The following TTBK2 variants were observed in gnomAD, a reference collection of about 807,000 sequenced individuals.
TTBK2 encodes tau tubulin kinase 2, also known as tau-tubulin kinase 2.
Under a neutral mutation model 110.8 loss-of-function variants are expected in TTBK2, and 28 were observed. The observed-to-expected ratio is 0.25, with a 90% CI of 0.19 to 0.35. The LOEUF (loss-of-function observed/expected upper bound fraction) is 0.35, where lower values mean the gene tolerates loss of function less well. Among genes scored for constraint, TTBK2 ranks in the 10% least tolerant of loss-of-function variants. The pLI, the probability that TTBK2 is intolerant of heterozygous loss-of-function variation, is 1.00. For synonymous variants in TTBK2, 532 were observed against 527.3 expected (o/e 1.01, Z -0.12); for missense variants, 1,369 against 1,500.3 (o/e 0.91, Z 1.45).
intron 2 of TTBK2, 53 bp downstream of exon 2, chr15:42,878,496 C>T: frequency 1.5e-6 from 2 of 1,314,924 alleles, no homozygotes; most frequent in East Asian, 2.8e-5. Flanking sequence ...TATGTATACA[C>T]ACACACACAC....
Position 42,885,571 on chromosome 15 carries a change from C to T in TTBK2, c.-67-6887G>A, listed in dbSNP as rs535360365. Reference sequence around the variant, plus strand: ...GGACGCCTGCCTGATTATTCACCCACGTTTCAGAGGTGTCTGACCATGCAG... The same window carrying T: ...GGACGCCTGCCTGATTATTCACCCATGTTTCAGAGGTGTCTGACCATGCAG... On this transcript the variant is annotated intron_variant, in intron 1 of 14. Coordinates refer to ENST00000267890, the MANE Select transcript of TTBK2 (RefSeq NM_173500.4). Among the ~76,000 whole-genome samples, 7 of 152,224 alleles carry T rather than the reference C, an allele frequency of 4.6e-5. No homozygotes were observed. In the South Asian group the frequency reaches 1.2e-3, roughly 27 times the overall value.
intron 10 of TTBK2, among the ~76,000 whole-genome samples, chr15:42,793,034 C>T (rs1208128734): frequency 1.3e-5 from 2 of 152,180 alleles, no homozygotes; most frequent in African/African-American, 4.8e-5. Context: ...GGACTGGCTC[C>T]AGCTCTGCCA....
chr15:42,876,687 GA>G (rs1025142897), intron 2 of TTBK2, among the ~76,000 whole-genome samples: 4 of 151,884 alleles, frequency 2.6e-5, no homozygotes, highest in Non-Finnish European at 4.4e-5. Flanking sequence ...CCTACTAATG[GA>G]AAAAAACTTT....
At chr15:42,850,299 A>C (rs1057168600) in intron 3 of TTBK2, among the ~76,000 whole-genome samples, 5 of 152,192 alleles carry the variant, frequency 3.3e-5, no homozygotes, top group Non-Finnish European at 7.3e-5. Context: ...ACTTCTCTCG[A>C]CGCATTTTCT....
chr15:42,911,019 C>T (rs945457034), intron 1 of TTBK2, among the ~76,000 whole-genome samples: 74 of 143,250 alleles, frequency 5.2e-4, no homozygotes, highest in African/African-American at 1.5e-3. Context: ...ACTCCAGCCT[C>T]GGTGACAAGA....
At chr15:42,869,215 G>A (rs1894510699) in intron 3 of TTBK2, among the ~76,000 whole-genome samples, 1 of 151,982 alleles carries the variant, frequency 6.6e-6, no homozygotes, top group Non-Finnish European at 1.5e-5. Flanking sequence ...AGCCTCCAGG[G>A]TAGCTGAGAT....
intron 6 of TTBK2, among the ~76,000 whole-genome samples, chr15:42,827,679 C>T (rs535806618): frequency 2.6e-5 from 4 of 151,976 alleles, no homozygotes; most frequent in Non-Finnish European, 5.9e-5. Flanking sequence ...AAAAATGACC[C>T]CTAATCTCAA....
rs550656345 is a variant in TTBK2 at position 42,821,818 on chromosome 15, T to G, written c.538-4721A>C. On this transcript the variant is annotated intron_variant, in intron 6 of 14. Transcript: ENST00000267890. ...CATTCTCCTGCCTCAGCCTCCCAAG[T>G]AGCTGGGACTACAGGGTGCCCGCCA... Among the ~76,000 whole-genome samples the G allele has an allele frequency of 2.3e-3, 351 of 152,010 alleles. 1 individual carries two copies. The highest frequency in any genetic ancestry group is 7.9e-3 in the African/African-American group (329 of 41,442).
chr15:42,827,815 C>A, intron 6 of TTBK2, 113 bp downstream of exon 6: 1 of 846,788 alleles, frequency 1.2e-6, no homozygotes, highest in Admixed American at 2.4e-5. Context: ...AATGTATATG[C>A]CACTTCTTAG....
chr15:42,781,479 G>A (rs1465206038), intron 11 of TTBK2, among the ~76,000 whole-genome samples: 1 of 152,024 alleles, frequency 6.6e-6, no homozygotes, highest in African/African-American at 2.4e-5. Flanking sequence ...GACTATTGAT[G>A]TAAAACCTTA....
intron 1 of TTBK2, among the ~76,000 whole-genome samples, chr15:42,913,664 T>C (rs554696468): frequency 6.6e-6 from 1 of 152,024 alleles, no homozygotes; most frequent in East Asian, 1.9e-4. Flanking sequence ...AGAGAAGCTT[T>C]ACAGGTCAGT....
At chr15:42,887,615 C>T (rs192977893) in intron 1 of TTBK2, among the ~76,000 whole-genome samples, 19 of 152,284 alleles carry the variant, frequency 1.2e-4, no homozygotes, top group Admixed American at 6.5e-4. Flanking sequence ...CCAGGATCTG[C>T]GCCTTATCAA....
At chr15:42,820,108 A>G in intron 6 of TTBK2, among the ~76,000 whole-genome samples, 1 of 152,250 alleles carries the variant, frequency 6.6e-6, no homozygotes, top group East Asian at 1.9e-4. Flanking sequence ...TCAGCTGTTT[A>G]GAGAAATCTT....
At chr15:42,792,407 C>T (rs758986417) in intron 10 of TTBK2, among the ~76,000 whole-genome samples, 3 of 152,052 alleles carry the variant, frequency 2.0e-5, no homozygotes, top group Non-Finnish European at 4.4e-5. Context: ...CAAATTGATA[C>T]ATCTTTTTTC....
chr15:42,755,571 A>G (rs1034506813), intron 13 of TTBK2, among the ~76,000 whole-genome samples: 7 of 152,224 alleles, frequency 4.6e-5, no homozygotes, highest in Admixed American at 3.9e-4. Flanking sequence ...AGGATCTTTC[A>G]GGCTAATCCA....
intron 3 of TTBK2, among the ~76,000 whole-genome samples, chr15:42,842,497 G>T (rs1893261094): frequency 6.6e-6 from 1 of 152,116 alleles, no homozygotes; most frequent in African/African-American, 2.4e-5. Context: ...AAGTAAGGAA[G>T]AGTAACAGGC....
intron 11 of TTBK2, among the ~76,000 whole-genome samples, chr15:42,783,169 G>A (rs890376771): frequency 1.2e-4 from 19 of 152,270 alleles, no homozygotes; most frequent in Middle Eastern, 3.4e-3. Context: ...CCCAATGTGA[G>A]GGTATTAGGA....
intron 13 of TTBK2, among the ~76,000 whole-genome samples, chr15:42,771,350 C>T (rs1302156712): frequency 6.6e-6 from 1 of 152,240 alleles, no homozygotes; most frequent in African/African-American, 2.4e-5. Context: ...ATAAAGATAT[C>T]CAAAATTCCA....
Position 42,823,738 on chromosome 15 carries a change from A to AT in TTBK2, c.537+4189dup, listed in dbSNP as rs57341447. 1.7e-3 allele frequency among the ~76,000 whole-genome samples: 250 copies of AT among 145,272 alleles called. 4 individuals are homozygous for AT. The highest frequency in any genetic ancestry group is 8.5e-3 in the East Asian group (42 of 4,920). Reference sequence around the variant, plus strand: ...TCCTAAACATTATTTTTTTTGTGTGATTTTTTTTTTTTTTAGCTCATCAGC... The same window carrying AT: ...TCCTAAACATTATTTTTTTTGTGTGATTTTTTTTTTTTTTTAGCTCATCAGC... On this transcript the variant is annotated intron_variant, in intron 6 of 14. Coordinates refer to ENST00000267890, the MANE Select transcript of TTBK2 (RefSeq NM_173500.4).
Sources: gnomAD v4.1 joint callset for allele counts (sites outside exome capture counted in the v4.1 genomes callset) on GRCh38, gnomAD v4.1.1 for gene constraint, MANE v1.5 for transcripts, NCBI Gene and HGNC (gene_info 2026-07-23, HGNC 2026-07-21) for gene names.